Variants in THOC5 observed in about 807,000 individuals in gnomAD.
THOC5 encodes Fms-interacting protein.
THOC5 carries 43 observed loss-of-function variants against 92.9 expected under a neutral mutation model. The observed-to-expected ratio is 0.46, with a 90% CI of 0.36 to 0.60. The LOEUF is 0.60. THOC5 is among the 20% of genes least tolerant of loss of function. The pLI is 0.00. For synonymous variants in THOC5, 296 were observed against 320.1 expected (o/e 0.92, Z 0.80); for missense variants, 659 against 849.4 (o/e 0.78, Z 2.79).
intron 7 of THOC5, among the ~76,000 whole-genome samples, chr22:29,532,590 AG>A (rs2063677696): frequency 6.6e-6 from 1 of 152,178 alleles, no homozygotes; most frequent in Admixed American, 6.5e-5. Flanking sequence ...ACTTGAATCC[AG>A]GAAGTGGAGG....
At chr22:29,547,152 T>C (rs544608310) in intron 2 of THOC5, among the ~76,000 whole-genome samples, 1 of 152,128 alleles carries the variant, frequency 6.6e-6, no homozygotes, top group African/African-American at 2.4e-5. Flanking sequence ...CCCTGTCACC[T>C]TTTGAATGGT....
intron 5 of THOC5, among the ~76,000 whole-genome samples, chr22:29,541,860 CCAAAAAAAAAAAAAA>C (rs1296415929): frequency 1.4e-4 from 3 of 20,982 alleles, no homozygotes; most frequent in African/African-American, 3.7e-4. Flanking sequence ...GACTCCATCT[CCAAAAAAAAAAAAAA>C]AAAAAAAAAA....
Position 29,517,490 on chromosome 22 carries a change from G to GGTATACCTGAGTATCCTGGTA in THOC5, c.1490-125_1490-124insTACCAGGATACTCAGGTATAC, listed in dbSNP as rs1415738125. ...CCGGCCAGCTATCCTGGTATACCTG[G>GGTATACCTGAGTATCCTGGTA]TACTCAGGAAGTACCCAGGTCAACA... On this transcript the variant is annotated intron_variant, in intron 15 of 19. Coordinates refer to ENST00000490103, the MANE Select transcript of THOC5 (RefSeq NM_003678.5). 2.2e-5 allele frequency: 17 copies of GGTATACCTGAGTATCCTGGTA among 769,588 alleles called. No individual in the cohort carries two copies. In the African/African-American group the frequency reaches 2.8e-4, roughly 13 times the overall value. The allele number at this position is 769,588 out of a possible 1,614,324, so 47.7% of individuals were successfully genotyped here.
intron 2 of THOC5, chr22:29,544,989 T>A: frequency 2.8e-6 from 1 of 362,670 alleles, no homozygotes; most frequent in South Asian, 2.1e-5. Flanking sequence ...CCCATCTGCA[T>A]TAGTCCATTT....
chr22:29,512,910 A>G (rs573854812), intron 17 of THOC5, among the ~76,000 whole-genome samples: 1 of 152,328 alleles, frequency 6.6e-6, no homozygotes, highest in South Asian at 2.1e-4. Flanking sequence ...TTCAACAGGA[A>G]GACATTTATC....
chr22:29,534,411 C>T (rs2063713950), intron 7 of THOC5: 1 of 152,162 alleles, frequency 6.6e-6, no homozygotes. Context: ...TTGCGAGTTA[C>T]ATGCTTTTCT....
intron 17 of THOC5, among the ~76,000 whole-genome samples, chr22:29,515,273 C>CAGCTGA (rs2063312344): frequency 6.6e-6 from 1 of 152,104 alleles, no homozygotes; most frequent in African/African-American, 2.4e-5. Context: ...AACTCCTGAC[C>CAGCTGA]TCAGGTGATC....
intron 2 of THOC5, among the ~76,000 whole-genome samples, chr22:29,545,387 T>G (rs946354799): frequency 6.6e-6 from 1 of 152,146 alleles, no homozygotes; most frequent in African/African-American, 2.4e-5. Context: ...CAATCATGCC[T>G]TCCCAACAGT....
At chr22:29,511,326 A>G in intron 18 of THOC5, 30 bp from the exon 19 acceptor site, 1 of 1,596,408 alleles carries the variant, frequency 6.3e-7, no homozygotes, top group South Asian at 1.1e-5. Flanking sequence ...GCATCTCAGC[A>G]CTACCTTCCT....
chr22:29,548,301 A>C (rs2064068544), intron 2 of THOC5, among the ~76,000 whole-genome samples: 1 of 152,162 alleles, frequency 6.6e-6, no homozygotes, highest in Admixed American at 6.6e-5. Flanking sequence ...CACACCTATA[A>C]TCCCAATACC....
intron 1 of THOC5, among the ~76,000 whole-genome samples, chr22:29,551,699 T>A (rs1179492793): frequency 6.6e-6 from 1 of 151,968 alleles, no homozygotes; most frequent in South Asian, 2.1e-4. Flanking sequence ...TGCAGTGAGC[T>A]ATGATCGCGC....
intron 14 of THOC5, among the ~76,000 whole-genome samples, chr22:29,519,708 C>T (rs1459500673): frequency 2.0e-5 from 3 of 151,480 alleles, no homozygotes; most frequent in African/African-American, 7.3e-5. Context: ...TCTCAGCTCA[C>T]CGCAACCTCT....
chr22:29,516,082 G>A (rs1231870407), intron 17 of THOC5, among the ~76,000 whole-genome samples: 2 of 150,906 alleles, frequency 1.3e-5, no homozygotes, highest in African/African-American at 4.9e-5. Context: ...GTTCAAGATT[G>A]CAGTGAGCTA....
Position 29,517,129 on chromosome 22 carries a change from C to T in THOC5, c.1594-13G>A, listed in dbSNP as rs1400098671. ...TGAAGTGCAGCTCCTAGAAGAGGTA[C>T]CACAGACAAGAGGTGAACTGCTGGC... On this transcript the variant is annotated splice_polypyrimidine_tract_variant and intron_variant, in intron 16 of 19. Transcript: ENST00000490103. 20 of 1,613,918 alleles carry T rather than the reference C, an allele frequency of 1.2e-5. No individual in the cohort carries two copies. Among genetic ancestry groups the T allele is most frequent in the Non-Finnish European group, 1.7e-5 (20 of 1,179,948 alleles).
rs530382997 is a variant in THOC5, at chr22:29,515,456, T to C, written c.1681+1573A>G. On this transcript the variant is annotated intron_variant, in intron 17 of 19. Transcript: ENST00000490103. ...TGTGTCACCTACTTTATTGCAAAGT[T>C]TGCTTTATTGTGGTAGTCTGCAACT... 2.0e-5 allele frequency among the ~76,000 whole-genome samples: 3 copies of C among 152,298 alleles called. No individual in the cohort carries two copies. In the East Asian group the frequency reaches 5.8e-4, roughly 29 times the overall value.
chr22:29,553,003 G>C (rs469285), intron 1 of THOC5, among the ~76,000 whole-genome samples: 1 of 151,986 alleles, frequency 6.6e-6, no homozygotes, highest in African/African-American at 2.4e-5. Flanking sequence ...TTAAGGGCGG[G>C]GCAAGATGTG....
At chr22:29,521,744 T>C (rs1416036234) in intron 12 of THOC5, among the ~76,000 whole-genome samples, 1 of 152,200 alleles carries the variant, frequency 6.6e-6, no homozygotes, top group African/African-American at 2.4e-5. Context: ...GGGCACAGTT[T>C]GTCATTAAAT....
At chr22:29,542,459 A>G (rs2063916967) in intron 5 of THOC5, among the ~76,000 whole-genome samples, 1 of 152,100 alleles carries the variant, frequency 6.6e-6, no homozygotes, top group Non-Finnish European at 1.5e-5. Context: ...AGCTCATCAG[A>G]TTTCTTTTTA....
At chr22:29,543,068 G>A (rs1269671965) in intron 4 of THOC5, 112 bp from the exon 5 acceptor site, 2 of 755,816 alleles carry the variant, frequency 2.6e-6, no homozygotes, top group Non-Finnish European at 4.3e-6. Context: ...ATGGGGCTGG[G>A]TGCAGTGGCT....
Sources: gnomAD v4.1 joint callset for allele counts (sites outside exome capture counted in the v4.1 genomes callset) on GRCh38, gnomAD v4.1.1 for gene constraint, MANE v1.5 for transcripts, NCBI Gene and HGNC (gene_info 2026-07-23, HGNC 2026-07-21) for gene names.